The following TOGARAM1 variants were observed in gnomAD, a reference collection of about 807,000 sequenced individuals.
The protein encoded by TOGARAM1 is TOG array regulator of axonemal microtubules 1.
A neutral mutation model predicts 166.6 loss-of-function variants in TOGARAM1; 100 were observed. The observed-to-expected ratio is 0.60, with a 90% CI of 0.51 to 0.71. TOGARAM1 has a LOEUF of 0.71. TOGARAM1 is among the 30% of genes least tolerant of loss of function. The probability of loss-of-function intolerance (pLI) is 0.00; values close to 1 mark genes in which losing one functional copy is unlikely to be tolerated. For synonymous variants in TOGARAM1, 758 were observed against 763.8 expected (o/e 0.99, Z 0.13); for missense variants, 2,029 against 2,102.7 (o/e 0.96, Z 0.69).
intron 7 of TOGARAM1, among the ~76,000 whole-genome samples, chr14:45,019,581 A>G (rs1458058958): frequency 6.6e-6 from 1 of 152,178 alleles, no homozygotes. Flanking sequence ...GCCTGGGTTT[A>G]TATCCCAATC....
intron 16 of TOGARAM1, among the ~76,000 whole-genome samples, chr14:45,055,760 C>A (rs947134348): frequency 6.9e-6 from 1 of 144,956 alleles, no homozygotes; most frequent in Non-Finnish European, 1.5e-5. Flanking sequence ...GCTGAGATCA[C>A]GCCATTGGAT....
chr14:45,070,668 T>C (rs1298318759), intron 18 of TOGARAM1, among the ~76,000 whole-genome samples: 1 of 152,136 alleles, frequency 6.6e-6, no homozygotes, highest in African/African-American at 2.4e-5. Flanking sequence ...CAACAGTAAG[T>C]TATTAGTAGT....
In TOGARAM1 at chr14:45,025,723, G is replaced by A. The variant is rs1487159484; in HGVS notation, c.3239-60G>A. On this transcript the variant is annotated intron_variant, in intron 7 of 19. Transcript: ENST00000361462. ...AAAAGACTATGTTACAATATCCTAAGATACTACATAATAAGCAAATATGTT... is the reference window on the plus strand; with the variant it reads ...AAAAGACTATGTTACAATATCCTAAAATACTACATAATAAGCAAATATGTT... 3.3e-6 allele frequency: 3 copies of A among 916,762 alleles called. No individual in the cohort carries two copies. The East Asian group carries it at 7.3e-5, about 22-fold the overall frequency. The allele number at this position is 916,762 out of a possible 1,614,324, so 56.8% of individuals were successfully genotyped here.
At chr14:44,965,380 A>G (rs1885473710) in intron 1 of TOGARAM1, among the ~76,000 whole-genome samples, 1 of 152,190 alleles carries the variant, frequency 6.6e-6, no homozygotes, top group Non-Finnish European at 1.5e-5. Flanking sequence ...GTCAGGGTTC[A>G]TGTGGTTAAT....
chr14:45,004,554 A>G (rs1887857466), intron 4 of TOGARAM1, among the ~76,000 whole-genome samples, 188 bp downstream of exon 4: 1 of 152,200 alleles, frequency 6.6e-6, no homozygotes, highest in African/African-American at 2.4e-5. Flanking sequence ...TGAAATTCTC[A>G]TTTCTTACAT....
At chr14:44,993,223 G>T (rs1281608481) in intron 1 of TOGARAM1, among the ~76,000 whole-genome samples, 1 of 151,992 alleles carries the variant, frequency 6.6e-6, no homozygotes, top group African/African-American at 2.4e-5. Flanking sequence ...GGGAAGGTCG[G>T]CTGCAGTGAG....
chr14:45,045,563 ATATATATATATATATATATATGTGTG>A lies in TOGARAM1; in HGVS notation c.4154+695_4154+720del, dbSNP rs1287277999. 3.7e-4 allele frequency among the ~76,000 whole-genome samples: 15 copies of A among 40,572 alleles called. 1 individual carries two copies. The highest frequency in any genetic ancestry group is 2.0e-3 in the African/African-American group (13 of 6,512). 26.6% of individuals were successfully genotyped at this position (40,572 alleles called of 152,430 possible). A position where few individuals can be genotyped will look rare whatever the true frequency, so the allele number is the denominator to read the frequency against. On this transcript the variant is annotated intron_variant, in intron 13 of 19. Coordinates refer to ENST00000361462, the MANE Select transcript of TOGARAM1 (RefSeq NM_001308120.2). ...TGTGTGTATATATATATATATATAT[ATATATATATATATATATATATGTGTG>A]TGTGTGTGTGTGTGTGTGTGTGTGT...
chr14:45,060,504 C>G (rs915081931), intron 16 of TOGARAM1, among the ~76,000 whole-genome samples: 1 of 152,124 alleles, frequency 6.6e-6, no homozygotes, highest in Non-Finnish European at 1.5e-5. Context: ...ACATGAGCCA[C>G]CACACCCAGC....
Position 45,027,395 on chromosome 14 carries a change from T to C in TOGARAM1, c.3425T>C (p.Ile1142Thr). ...GATACATTTTCAATTAAACAAAGTA[T>C]TGAACCACCATCAGGGATTTATGGA... ...NGDTFSIKQS[I>T]EPPSGIYGRS... The change falls in exon 9 of 20, where the codon ATT becomes ACT. Residue 1142 changes from isoleucine to threonine, a missense_variant. Physicochemically the swap from Ile to Thr is moderately conservative, Grantham distance 89 (BLOSUM62 -1). Coordinates refer to ENST00000361462, the MANE Select transcript of TOGARAM1 (RefSeq NM_001308120.2). 1 of 1,613,826 alleles carries C rather than the reference T, an allele frequency of 6.2e-7. No homozygotes were observed. Among genetic ancestry groups the C allele is most frequent in the South Asian group, 1.1e-5 (1 of 91,028 alleles).
chr14:45,045,535 C>CTGTGTGTG (rs369196409), intron 13 of TOGARAM1, among the ~76,000 whole-genome samples: 495 of 29,052 alleles, frequency 0.017, 22 homozygotes, highest in African/African-American at 0.056. Context: ...ATTCCATGGT[C>CTGTGTGTG]TGTGTGTGTA....
At position 44,962,234 on chromosome 14, in the gene TOGARAM1, G is replaced by GCA. The variant is rs1885174514; in HGVS notation, c.-188_-187insCA. The GCA allele has an allele frequency of 1.7e-6, 1 of 605,800 alleles. No homozygotes were observed. Among genetic ancestry groups the GCA allele is most frequent in the Non-Finnish European group, 2.7e-6 (1 of 367,992 alleles). The allele number at this position is 605,800 out of a possible 1,614,324, so 37.5% of individuals were successfully genotyped here. A position where few individuals can be genotyped will look rare whatever the true frequency, so the allele number is the denominator to read the frequency against. On this transcript the variant is annotated 5_prime_UTR_variant, in exon 1 of 20. Coordinates refer to ENST00000361462, the MANE Select transcript of TOGARAM1 (RefSeq NM_001308120.2). ...GCCCGGTGGCAGCTGTGGGGTCTAG[G>GCA]GCTCAGACGGGGGCCATTTTGCCAG... is the stretch of plus-strand genomic sequence containing the variant.
intron 14 of TOGARAM1, 110 bp downstream of exon 14, chr14:45,046,813 C>G: frequency 1.1e-6 from 1 of 921,456 alleles, no homozygotes; most frequent in Non-Finnish European, 1.4e-6. Context: ...GAAGTGGGGT[C>G]CCAGGGATTG....
At chr14:44,977,273 T>C (rs940572649) in intron 1 of TOGARAM1, among the ~76,000 whole-genome samples, 71 of 150,090 alleles carry the variant, frequency 4.7e-4, no homozygotes, top group East Asian at 9.8e-4. Context: ...CTTGCTCTGT[T>C]GCCCAGGCTG....
Position 44,963,115 on chromosome 14 carries a change from G to T in TOGARAM1, c.694G>T (p.Ala232Ser), listed in dbSNP as rs373487359. Reference protein sequence around the residue: ...GLESTDARLRASTALLLPILL... With the variant: ...GLESTDARLRSSTALLLPILL... Reference sequence around the variant, plus strand: ...GGAAAGTACCGATGCCCGACTTAGAGCTTCCACAGCACTACTGCTTCCCAT... The same window carrying T: ...GGAAAGTACCGATGCCCGACTTAGATCTTCCACAGCACTACTGCTTCCCAT... Residue 232 changes from alanine to serine, a missense_variant, in exon 1 of 20, where the codon GCT (alanine) becomes TCT (serine). Ala to Ser is a moderately conservative substitution (Grantham distance 99). Transcript: ENST00000361462. 21 of 1,614,060 alleles carry T rather than the reference G, an allele frequency of 1.3e-5. No homozygotes were observed. Among genetic ancestry groups the T allele is most frequent in the African/African-American group, 2.7e-5 (2 of 74,902 alleles).
chr14:44,978,963 ATCTC>A (rs1157911237), intron 1 of TOGARAM1, among the ~76,000 whole-genome samples: 4 of 149,922 alleles, frequency 2.7e-5, no homozygotes, highest in African/African-American at 9.8e-5. Context: ...GCAAGATCCC[ATCTC>A]TCTCTCTTTT....
intron 16 of TOGARAM1, among the ~76,000 whole-genome samples, chr14:45,062,366 G>A (rs1403462305): frequency 6.6e-6 from 1 of 152,092 alleles, no homozygotes; most frequent in Non-Finnish European, 1.5e-5. Flanking sequence ...TCATTATTAA[G>A]TACCTTTATC....
chr14:45,016,060 A>G (rs7161603), intron 7 of TOGARAM1, among the ~76,000 whole-genome samples: 7 of 148,396 alleles, frequency 4.7e-5, no homozygotes, highest in Non-Finnish European at 7.5e-5. Flanking sequence ...ATTAAAAAAA[A>G]TTTTTTTTTT....
At chr14:44,994,586 T>A (rs1281655707) in intron 1 of TOGARAM1, among the ~76,000 whole-genome samples, 1 of 152,120 alleles carries the variant, frequency 6.6e-6, no homozygotes, top group African/African-American at 2.4e-5. Flanking sequence ...GCCTGGCTAA[T>A]TTTTGTATTT....
chr14:44,984,083 TAAGA>T (rs1886666031), intron 1 of TOGARAM1, among the ~76,000 whole-genome samples: 2 of 152,196 alleles, frequency 1.3e-5, no homozygotes, highest in Middle Eastern at 3.2e-3. Flanking sequence ...AAATTGAATT[TAAGA>T]AAGAGTTTAT....
Sources: gnomAD v4.1 joint callset for allele counts (sites outside exome capture counted in the v4.1 genomes callset) on GRCh38, gnomAD v4.1.1 for gene constraint, MANE v1.5 for transcripts, NCBI Gene and HGNC (gene_info 2026-07-23, HGNC 2026-07-21) for gene names.